VWC2L: variants seen among roughly 807,000 people sequenced by gnomAD.
VWC2L encodes von Willebrand factor C domain-containing protein 2-like.
A neutral mutation model predicts 21.6 loss-of-function variants in VWC2L; 10 were observed. The observed-to-expected ratio is 0.46, with a 90% confidence interval of 0.29 to 0.78. VWC2L has a LOEUF of 0.78. Ranked by LOEUF, VWC2L falls within the 30% of genes least tolerant of loss-of-function variation. The pLI is 0.10. For missense variants in VWC2L, 209 were observed against 277.1 expected (o/e 0.75, Z 1.74); for synonymous variants, 96 against 94.3 (o/e 1.02, Z -0.10).
At chr2:214,454,678 A>G (rs984596369) in intron 3 of VWC2L, among the ~76,000 whole-genome samples, 6 of 123,416 alleles carry the variant, frequency 4.9e-5, no homozygotes, top group Non-Finnish European at 9.3e-5. Flanking sequence ...ATCTTGGCTT[A>G]CTGCAAGCTC....
chr2:214,480,835 T>C (rs1001271501), intron 3 of VWC2L, among the ~76,000 whole-genome samples: 11 of 144,162 alleles, frequency 7.6e-5, no homozygotes, highest in Non-Finnish European at 1.2e-4. Context: ...TGAAAAAGTC[T>C]TCTTTATTCA....
In VWC2L at chr2:214,485,011, T is replaced by A. The variant is rs540420101; in HGVS notation, c.520+48253T>A. Reference sequence around the variant, plus strand: ...AACTGAGACGTGAAGAATAAACACTTCTTACCTTTAGAAGTCTGTATCTGG... The same window carrying A: ...AACTGAGACGTGAAGAATAAACACTACTTACCTTTAGAAGTCTGTATCTGG... On this transcript the variant is annotated intron_variant, in intron 3 of 3. Coordinates refer to ENST00000312504, the MANE Select transcript of VWC2L (RefSeq NM_001080500.4). Among the ~76,000 whole-genome samples, 150 of 152,274 alleles carry A rather than the reference T, an allele frequency of 9.9e-4. 1 individual carries two copies. The South Asian group carries it at 0.031, about 31-fold the overall frequency.
At chr2:214,557,064 A>T (rs546128750) in intron 3 of VWC2L, among the ~76,000 whole-genome samples, 6 of 152,170 alleles carry the variant, frequency 3.9e-5, no homozygotes, top group Non-Finnish European at 8.8e-5. Flanking sequence ...AGTAAGTGAC[A>T]TGCCTGAGGT....
intron 3 of VWC2L, among the ~76,000 whole-genome samples, chr2:214,478,196 T>C (rs970092757): frequency 2.6e-5 from 4 of 152,230 alleles, no homozygotes; most frequent in African/African-American, 9.6e-5. Context: ...TTAAATTGTG[T>C]TTGTTTTTAG....
intron 2 of VWC2L, among the ~76,000 whole-genome samples, chr2:214,415,498 A>C (rs533018922): frequency 1.2e-4 from 18 of 152,266 alleles, no homozygotes; most frequent in African/African-American, 4.1e-4. Flanking sequence ...AGAACCTTAG[A>C]GGTAAAAGCA....
chr2:214,564,028 A>C (rs1690022682), intron 3 of VWC2L, among the ~76,000 whole-genome samples: 1 of 152,160 alleles, frequency 6.6e-6, no homozygotes, highest in African/African-American at 2.4e-5. Context: ...CCAACAACAG[A>C]CAAGCAGAGA....
chr2:214,435,926 T>C (rs1372341568), intron 2 of VWC2L, among the ~76,000 whole-genome samples: 2 of 152,158 alleles, frequency 1.3e-5, no homozygotes, highest in Non-Finnish European at 2.9e-5. Flanking sequence ...TGATGTTTAA[T>C]TTTTTTCTCT....
chr2:214,430,417 C>A (rs939150770), intron 2 of VWC2L, among the ~76,000 whole-genome samples: 4 of 152,038 alleles, frequency 2.6e-5, no homozygotes, highest in Non-Finnish European at 2.9e-5. Context: ...TATGTGTTTA[C>A]AAATATTTCA....
intron 3 of VWC2L, among the ~76,000 whole-genome samples, chr2:214,538,686 T>C (rs1296933623): frequency 1.3e-5 from 2 of 151,202 alleles, no homozygotes; most frequent in African/African-American, 4.8e-5. Context: ...ATAAACAGTA[T>C]AATTTTGCTA....
intron 3 of VWC2L, among the ~76,000 whole-genome samples, chr2:214,496,982 T>C (rs988453333): frequency 3.3e-5 from 5 of 152,252 alleles, no homozygotes; most frequent in Admixed American, 1.3e-4. Flanking sequence ...ATGTTAAGTG[T>C]ACAATATCAA....
intron 3 of VWC2L, among the ~76,000 whole-genome samples, chr2:214,552,062 TC>T (rs1434862840): frequency 2.0e-5 from 3 of 152,254 alleles, no homozygotes; most frequent in African/African-American, 4.8e-5. Context: ...CTGATGTTGC[TC>T]ATTTCTAACA....
intron 3 of VWC2L, among the ~76,000 whole-genome samples, chr2:214,526,188 A>G (rs1689332613): frequency 6.6e-6 from 1 of 151,916 alleles, no homozygotes; most frequent in South Asian, 2.1e-4. Context: ...TCCAAAGCAG[A>G]CAATGGATAC....
At chr2:214,434,333 C>T (rs78493870) in intron 2 of VWC2L, among the ~76,000 whole-genome samples, 290 of 152,194 alleles carry the variant, frequency 1.9e-3, no homozygotes, top group African/African-American at 6.8e-3. Flanking sequence ...TCGAGGTCTC[C>T]AAGAATGTAA....
intron 3 of VWC2L, among the ~76,000 whole-genome samples, chr2:214,565,433 C>T (rs904061538): frequency 6.6e-6 from 1 of 152,168 alleles, no homozygotes; most frequent in Non-Finnish European, 1.5e-5. Context: ...TGACTCCCTC[C>T]TCAGTCAACA....
chr2:214,529,308 G>A (rs918247668), intron 3 of VWC2L, among the ~76,000 whole-genome samples: 1 of 152,068 alleles, frequency 6.6e-6, no homozygotes, highest in Non-Finnish European at 1.5e-5. Context: ...ATCACAAATT[G>A]GGCAGTTGGG....
intron 3 of VWC2L, among the ~76,000 whole-genome samples, chr2:214,548,482 C>T (rs1440673267): frequency 6.6e-6 from 1 of 152,174 alleles, no homozygotes; most frequent in African/African-American, 2.4e-5. Context: ...TACTCTAAAA[C>T]ACTGCCTACA....
intron 3 of VWC2L, among the ~76,000 whole-genome samples, chr2:214,555,699 C>A (rs1479152471): frequency 6.6e-6 from 1 of 152,182 alleles, no homozygotes; most frequent in Non-Finnish European, 1.5e-5. Flanking sequence ...CCTCTAAATT[C>A]AGGTAAAACT....
chr2:214,425,796 T>TA (rs1702515325), intron 2 of VWC2L, among the ~76,000 whole-genome samples: 1 of 152,070 alleles, frequency 6.6e-6, no homozygotes, highest in African/African-American at 2.4e-5. Flanking sequence ...ACCCTCAAGG[T>TA]GCGCCTAGTC....
intron 2 of VWC2L, among the ~76,000 whole-genome samples, chr2:214,423,785 A>G (rs530098921): frequency 6.6e-6 from 1 of 152,268 alleles, no homozygotes; most frequent in African/African-American, 2.4e-5. Flanking sequence ...AAATTAAAAT[A>G]TATTACATTA....
Sources: allele counts gnomAD v4.1 joint callset (sites outside exome capture counted in the v4.1 genomes callset), GRCh38; gene constraint gnomAD v4.1.1; transcripts MANE v1.5; gene names NCBI Gene and HGNC (gene_info 2026-07-23, HGNC 2026-07-21).